Variants in DPH6 observed in about 807,000 individuals in gnomAD.
DPH6 encodes diphthamine biosynthesis 6.
Under a neutral mutation model 38.2 loss-of-function variants are expected in DPH6, and 33 were observed. The observed-to-expected ratio is 0.86, with a 90% confidence interval of 0.65 to 1.15. The LOEUF is 1.15. Ranked by LOEUF, DPH6 falls within the 50% of genes most tolerant of loss-of-function variation. The pLI is 0.00. For missense variants in DPH6, 325 were observed against 320.0 expected (o/e 1.02, Z -0.12); for synonymous variants, 108 against 103.0 (o/e 1.05, Z -0.30).
chr15:35,212,162 A>G, the DPH6 span, among the ~76,000 whole-genome samples: 8 of 152,178 alleles, frequency 5.3e-5, no homozygotes, highest in African/African-American at 1.9e-4. Context: ...TACAGCTTGG[A>G]GATATGAGAG....
intron 3 of DPH6, among the ~76,000 whole-genome samples, chr15:35,286,448 G>T (rs559440230): frequency 1.1e-4 from 17 of 152,252 alleles, no homozygotes; most frequent in Admixed American, 7.8e-4. Flanking sequence ...CCATCCCTAT[G>T]GGAAATAAAC....
chr15:35,250,007 T>TAA (rs11439082), intron 3 of DPH6, among the ~76,000 whole-genome samples: 5 of 149,452 alleles, frequency 3.3e-5, no homozygotes, highest in South Asian at 2.1e-4. Flanking sequence ...ACTAAAAATA[T>TAA]AAAAAAAAAT....
chr15:35,446,601 C>T (rs1426150967), intron 5 of DPH6, among the ~76,000 whole-genome samples: 1 of 152,122 alleles, frequency 6.6e-6, no homozygotes, highest in African/African-American at 2.4e-5. Context: ...ATACATACAA[C>T]ATGCAAAATG....
At chr15:35,481,514 T>G (rs189607305) in intron 3 of DPH6, among the ~76,000 whole-genome samples, 1 of 152,330 alleles carries the variant, frequency 6.6e-6, no homozygotes, top group African/African-American at 2.4e-5. Context: ...CAATGTGAGA[T>G]ATCTGTAAAA....
intron 3 of DPH6, among the ~76,000 whole-genome samples, chr15:35,264,336 G>A (rs2051769778): frequency 6.6e-6 from 1 of 151,990 alleles, no homozygotes; most frequent in African/African-American, 2.4e-5. Flanking sequence ...AATAACAAGA[G>A]GCAATGCTAC....
intron 3 of DPH6, among the ~76,000 whole-genome samples, chr15:35,491,709 T>C (rs2054482108): frequency 2.1e-5 from 2 of 97,130 alleles, no homozygotes; most frequent in Admixed American, 2.5e-4. Context: ...ATAAATATCT[T>C]TATATATGTA....
At chr15:35,179,834 G>T in the DPH6 span, among the ~76,000 whole-genome samples, 1 of 152,146 alleles carries the variant, frequency 6.6e-6, no homozygotes, top group Non-Finnish European at 1.5e-5. Context: ...GTGTTTAATA[G>T]GAAGTAGATG....
chr15:35,258,633 G>A (rs1342037768), intron 3 of DPH6, among the ~76,000 whole-genome samples: 2 of 152,090 alleles, frequency 1.3e-5, no homozygotes, highest in Non-Finnish European at 2.9e-5. Flanking sequence ...GATGAGTTAA[G>A]GTAGCAATAA....
At chr15:35,287,098 T>C (rs751247957) in intron 3 of DPH6, among the ~76,000 whole-genome samples, 6 of 152,154 alleles carry the variant, frequency 3.9e-5, no homozygotes, top group Non-Finnish European at 8.8e-5. Context: ...GTACAGCATA[T>C]CCACAATGCT....
chr15:35,295,737 C>G (rs2052010209), intron 3 of DPH6, among the ~76,000 whole-genome samples: 1 of 152,084 alleles, frequency 6.6e-6, no homozygotes, highest in Non-Finnish European at 1.5e-5. Context: ...TCATAAAAAT[C>G]AATTTAATGA....
chr15:35,455,471 TGGA>T (rs899951867), intron 3 of DPH6, among the ~76,000 whole-genome samples: 3 of 152,076 alleles, frequency 2.0e-5, no homozygotes, highest in Non-Finnish European at 2.9e-5. Flanking sequence ...ATTAATGAGC[TGGA>T]GGAGAATGTA....
At chr15:35,337,502 C>A (rs1335477897) in intron 3 of DPH6, among the ~76,000 whole-genome samples, 4 of 152,098 alleles carry the variant, frequency 2.6e-5, no homozygotes, top group Non-Finnish European at 4.4e-5. Flanking sequence ...TCAAGGAGAA[C>A]TACAAACCTC....
At chr15:35,531,729 A>G (rs1028547536) in intron 3 of DPH6, among the ~76,000 whole-genome samples, 2 of 152,158 alleles carry the variant, frequency 1.3e-5, no homozygotes, top group African/African-American at 4.8e-5. Context: ...TCGGCCTCCT[A>G]AAGTGCTGAT....
At chr15:35,173,248 A>G in the DPH6 span, among the ~76,000 whole-genome samples, 2 of 152,178 alleles carry the variant, frequency 1.3e-5, no homozygotes, top group African/African-American at 2.4e-5. Context: ...AATGTCAACT[A>G]TCAACTCAGT....
Position 35,467,436 on chromosome 15 carries a change from C to T in DPH6, c.313-12616G>A, listed in dbSNP as rs547122516. On this transcript the variant is annotated intron_variant, in intron 3 of 8. Transcript: ENST00000256538. ...CAAAAATTAGCTGGGCATGGTGGTGCGCACCTGTAATCCCAGCTACACAGG... is the reference window on the plus strand; with the variant it reads ...CAAAAATTAGCTGGGCATGGTGGTGTGCACCTGTAATCCCAGCTACACAGG... Among the ~76,000 whole-genome samples the T allele has an allele frequency of 7.9e-3, 1,204 of 152,092 alleles. 8 individuals are homozygous for T. Among genetic ancestry groups the T allele is most frequent in the Non-Finnish European group, 0.012 (788 of 67,968 alleles).
At chr15:35,170,551 G>A in the DPH6 span, among the ~76,000 whole-genome samples, 3 of 152,130 alleles carry the variant, frequency 2.0e-5, no homozygotes, top group Non-Finnish European at 2.9e-5. Context: ...AATAGTATTC[G>A]TGGTACTAAG....
At chr15:35,435,550 G>C (rs1381233068) in intron 5 of DPH6, among the ~76,000 whole-genome samples, 1 of 152,146 alleles carries the variant, frequency 6.6e-6, no homozygotes, top group Non-Finnish European at 1.5e-5. Flanking sequence ...GGCCTCTTCA[G>C]CTCATGTGTG....
intron 3 of DPH6, among the ~76,000 whole-genome samples, chr15:35,514,672 T>C (rs2054821040): frequency 6.6e-6 from 1 of 152,144 alleles, no homozygotes; most frequent in Admixed American, 6.5e-5. Flanking sequence ...TTATATGTAA[T>C]TATCTGCCCT....
chr15:35,276,606 T>C (rs907245447), intron 3 of DPH6, among the ~76,000 whole-genome samples: 1 of 152,204 alleles, frequency 6.6e-6, no homozygotes, highest in African/African-American at 2.4e-5. Flanking sequence ...GTGTTGATTT[T>C]TGTATAAGGT....
Sources: gnomAD v4.1 joint callset for allele counts (sites outside exome capture counted in the v4.1 genomes callset) on GRCh38, gnomAD v4.1.1 for gene constraint, MANE v1.5 for transcripts, NCBI Gene and HGNC (gene_info 2026-07-23, HGNC 2026-07-21) for gene names.